The following RBL1 variants were observed in gnomAD, a reference collection of about 807,000 sequenced individuals.
The protein encoded by RBL1 is retinoblastoma-like protein 1.
Under a neutral mutation model 123.0 loss-of-function variants are expected in RBL1, and 82 were observed. That is an observed-to-expected ratio of 0.67 (90% CI 0.56 to 0.80). The LOEUF (loss-of-function observed/expected upper bound fraction) is 0.80, where lower values mean the gene tolerates loss of function less well. Ranked by LOEUF, RBL1 falls within the 30% of genes least tolerant of loss-of-function variation. The pLI is 0.00. For missense variants in RBL1, 1,171 were observed against 1,299.6 expected, an observed-to-expected ratio of 0.90 and a Z score of 1.52; for synonymous variants, 405 against 441.3, an observed-to-expected ratio of 0.92 and a Z score of 1.03.
At chr20:37,065,921 T>C (rs1268159968) in intron 6 of RBL1, among the ~76,000 whole-genome samples, 1 of 152,196 alleles carries the variant, frequency 6.6e-6, no homozygotes, top group African/African-American at 2.4e-5. Flanking sequence ...GTCCCTGGGA[T>C]CCTTTAAAAA....
In RBL1 at chr20:37,074,230, A is replaced by G. The variant is rs141621772; in HGVS notation, c.291-6044T>C. ...GGAGTTCGAGACCAGCCTGGGCAAC[A>G]TAGAGAGAACCTGTCTCTATATAAA... On this transcript the variant is annotated intron_variant, in intron 2 of 21. Transcript: ENST00000373664. 2.3e-3 allele frequency among the ~76,000 whole-genome samples: 350 copies of G among 152,244 alleles called. 2 individuals carry two copies. Among genetic ancestry groups the G allele is most frequent in the African/African-American group, 8.2e-3 (341 of 41,560 alleles).
At chr20:37,067,918 C>T (rs2065208127) in intron 3 of RBL1, 68 bp downstream of exon 3, 1 of 1,516,132 alleles carries the variant, frequency 6.6e-7, no homozygotes, top group South Asian at 1.3e-5. Context: ...AACAGACTTT[C>T]AAAAAAGTAT....
At chr20:37,000,400 C>CGT (rs1600428605) in intron 21 of RBL1, among the ~76,000 whole-genome samples, 2 of 120,088 alleles carry the variant, frequency 1.7e-5, no homozygotes, top group African/African-American at 2.6e-5. Flanking sequence ...GCCAGCCGCC[C>CGT]CATCCAGGAG....
At chr20:37,003,573 C>A in intron 21 of RBL1, 129 bp downstream of exon 21, 1 of 1,320,866 alleles carries the variant, frequency 7.6e-7, no homozygotes, top group Non-Finnish European at 9.8e-7. Flanking sequence ...AGGAGACATG[C>A]CATAGTTAAC....
At chr20:37,053,521 A>T (rs1600537940) in intron 11 of RBL1, among the ~76,000 whole-genome samples, 1 of 152,334 alleles carries the variant, frequency 6.6e-6, no homozygotes, top group Middle Eastern at 3.4e-3. Flanking sequence ...GTAGGCTCTC[A>T]TGACCCTGAA....
chr20:37,062,258 A>G lies in RBL1; in HGVS notation c.909T>C (p.Asn303=), dbSNP rs1295307786. 3 of 1,613,742 alleles carry G rather than the reference A, an allele frequency of 1.9e-6. No individual in the cohort carries two copies. In the African/African-American group the frequency reaches 4.0e-5, roughly 22 times the overall value. ...TTAGAACATACTCTTCATACTCCTT[A>G]TTCACTGCTTTGCTGCAAAGAGAAT... ...SSFTDNSKAV[N]KEYEEYVLTV... is the part of the protein sequence containing the mutation. The change falls in exon 8 of 22, where the codon AAT becomes AAC. Residue 303 remains asparagine, a synonymous_variant. Coordinates refer to ENST00000373664, the MANE Select transcript of RBL1 (RefSeq NM_002895.5).
intron 7 of RBL1, 103 bp downstream of exon 7, chr20:37,065,321 T>A: frequency 1.3e-6 from 1 of 764,548 alleles, no homozygotes. Context: ...AACTTGAATT[T>A]GGAGGTCTTA....
intron 1 of RBL1, among the ~76,000 whole-genome samples, 200 bp from the exon 2 acceptor site, chr20:37,089,322 G>A (rs2065609254): frequency 1.3e-5 from 2 of 152,080 alleles, no homozygotes; most frequent in Non-Finnish European, 2.9e-5. Flanking sequence ...TTAGTTCTGT[G>A]TTTTTACAAC....
At chr20:37,094,114 A>G (rs991593168) in intron 1 of RBL1, among the ~76,000 whole-genome samples, 2 of 152,206 alleles carry the variant, frequency 1.3e-5, no homozygotes, top group East Asian at 1.9e-4. Flanking sequence ...ATATACCACA[A>G]AACTGGGAAC....
At position 37,077,787 on chromosome 20, in the gene RBL1, G is replaced by GAAA. The variant is rs147186219; in HGVS notation, c.291-9604_291-9602dup. On this transcript the variant is annotated intron_variant, in intron 2 of 21. Transcript: ENST00000373664. ...AAAAATACTTCAGTTTCTATTTTCT[G>GAAA]AAAAAAAAAAAAAAAAATTCTCTTA... Among the ~76,000 whole-genome samples, 651 of 117,920 alleles carry GAAA rather than the reference G, an allele frequency of 5.5e-3. 20 individuals are homozygous for GAAA. In the East Asian group the frequency reaches 0.07, roughly 13 times the overall value. 77.4% of individuals were successfully genotyped at this position (117,920 alleles called of 152,430 possible). A position where few individuals can be genotyped will look rare whatever the true frequency, so the allele number is the denominator to read the frequency against.
intron 2 of RBL1, among the ~76,000 whole-genome samples, chr20:37,086,553 T>TA (rs1341868870): frequency 6.6e-6 from 1 of 151,602 alleles, no homozygotes; most frequent in South Asian, 2.1e-4. Flanking sequence ...AAAATAAAAA[T>TA]AAAAAAAAAT....
intron 19 of RBL1, among the ~76,000 whole-genome samples, chr20:37,012,610 A>C (rs2064174984): frequency 7.0e-6 from 1 of 143,590 alleles, no homozygotes; most frequent in East Asian, 2.0e-4. Context: ...CTGAGAAGTG[A>C]GGAGCCCCTC....
chr20:37,046,728 C>G (rs143565100), intron 12 of RBL1, among the ~76,000 whole-genome samples: 1 of 152,066 alleles, frequency 6.6e-6, no homozygotes, highest in East Asian at 1.9e-4. Flanking sequence ...CCTGCCTCAG[C>G]CTCTCAAGCA....
chr20:37,039,067 T>C (rs2064679045), intron 14 of RBL1, among the ~76,000 whole-genome samples: 1 of 152,148 alleles, frequency 6.6e-6, no homozygotes, highest in South Asian at 2.1e-4. Context: ...TCAGGAGATT[T>C]TAACTGATTT....
intron 15 of RBL1, among the ~76,000 whole-genome samples, chr20:37,033,757 A>C (rs755826440): frequency 4.6e-5 from 7 of 151,372 alleles, no homozygotes; most frequent in Non-Finnish European, 1.0e-4. Flanking sequence ...GACTACAGGC[A>C]TGCGCCACCA....
In RBL1 at chr20:37,062,154, C is replaced by T. The variant is rs139915525; in HGVS notation, c.1013G>A (p.Arg338His). 50 of 1,614,078 alleles carry T rather than the reference C, an allele frequency of 3.1e-5. No homozygotes were observed. The highest frequency in any genetic ancestry group is 1.6e-4 in the Middle Eastern group (1 of 6,084). ...EEIGTPRKFT[R>H]DTPLGKLTAQ... ...TGTCAGTTTCCCTAATGGGGTGTCACGAGTGAACTTTCGAGGTGTTCCAAT... is the reference window on the plus strand; with the variant it reads ...TGTCAGTTTCCCTAATGGGGTGTCATGAGTGAACTTTCGAGGTGTTCCAAT... Residue 338 changes from arginine (R) to histidine (H), a missense_variant, in exon 8 of 22, where the codon CGT (arginine) becomes CAT (histidine). Arg to His is a conservative substitution (Grantham distance 29). Transcript: ENST00000373664.
intron 16 of RBL1, among the ~76,000 whole-genome samples, chr20:37,024,229 A>C (rs2064387455): frequency 6.6e-6 from 1 of 152,056 alleles, no homozygotes; most frequent in East Asian, 1.9e-4. Flanking sequence ...CAAACAGTTG[A>C]CTCCAAAGCC....
rs1276338567 is a variant in RBL1, at chr20:37,089,009, T to G, written c.270A>C (p.Ile90=). 1 of 1,604,026 alleles carries G rather than the reference T, an allele frequency of 6.2e-7. No individual in the cohort carries two copies. Among genetic ancestry groups the G allele is most frequent in the East Asian group, 2.3e-5 (1 of 44,334 alleles). The change falls in exon 2 of 22, where the codon ATA becomes ATC. Residue 90 remains isoleucine, a synonymous_variant. Coordinates refer to ENST00000373664, the MANE Select transcript of RBL1 (RefSeq NM_002895.5). ...TTTACCTTAATTTAGCTGAACGTAG[T>G]ATTCTGGTAAGTGAAACACAGTTGC... ...MEGNCVSLTR[I]LRSAKLSLIQ...
intron 19 of RBL1, among the ~76,000 whole-genome samples, chr20:37,009,093 C>T (rs1277915083): frequency 6.6e-6 from 1 of 151,678 alleles, no homozygotes; most frequent in Non-Finnish European, 1.5e-5. Context: ...GGTGCAATCT[C>T]GGCTCACTGC....
Sources: gnomAD v4.1 joint callset for allele counts (sites outside exome capture counted in the v4.1 genomes callset) on GRCh38, gnomAD v4.1.1 for gene constraint, MANE v1.5 for transcripts, NCBI Gene and HGNC (gene_info 2026-07-23, HGNC 2026-07-21) for gene names.